Variants in CTCF observed in about 807,000 individuals in gnomAD.
CTCF encodes the protein CCCTC-binding factor.
Under a neutral mutation model 72.3 loss-of-function variants are expected in CTCF, and 7 were observed. The observed-to-expected ratio is 0.10, with a 90% CI of 0.06 to 0.18. CTCF has a LOEUF of 0.18. Among genes scored for constraint, CTCF ranks in the 10% least tolerant of loss-of-function variants. CTCF has a pLI of 1.00. For missense variants in CTCF, 516 were observed against 949.1 expected (o/e 0.54, Z 6.00); for synonymous variants, 374 against 315.8 (o/e 1.18, Z -1.95).
At chr16:67,601,267 T>TTG (rs2051884962) in intron 2 of CTCF, among the ~76,000 whole-genome samples, 2 of 147,818 alleles carry the variant, frequency 1.4e-5, no homozygotes, top group African/African-American at 5.0e-5. Flanking sequence ...TTGTTTTGTT[T>TTG]TTTAAGACAG....
chr16:67,605,212 A>C (rs1381632238), intron 2 of CTCF, among the ~76,000 whole-genome samples: 1 of 151,986 alleles, frequency 6.6e-6, no homozygotes, highest in Non-Finnish European at 1.5e-5. Flanking sequence ...TGACCTCATG[A>C]TCCACCCGCC....
At chr16:67,610,337 G>T (rs952188495) in intron 2 of CTCF, among the ~76,000 whole-genome samples, 4 of 146,916 alleles carry the variant, frequency 2.7e-5, no homozygotes, top group Non-Finnish European at 4.5e-5. Flanking sequence ...ATAGGTAGTG[G>T]TTTTTTCTTT....
intron 2 of CTCF, among the ~76,000 whole-genome samples, chr16:67,584,337 C>CTTTTTTTTTTTTTTT (rs904086024): frequency 9.4e-6 from 1 of 105,860 alleles, no homozygotes; most frequent in African/African-American, 4.3e-5. Context: ...AAAAAGTCTT[C>CTTTTTTTTTTTTTTT]TTTTTTTTTT....
intron 7 of CTCF, among the ~76,000 whole-genome samples, chr16:67,624,520 C>T (rs1309891875): frequency 6.6e-6 from 1 of 152,082 alleles, no homozygotes; most frequent in African/African-American, 2.4e-5. Context: ...TTTCTTCTTC[C>T]TCTTACTTCT....
chr16:67,576,616 C>T (rs1014017658), intron 2 of CTCF, among the ~76,000 whole-genome samples: 77 of 144,660 alleles, frequency 5.3e-4, no homozygotes, highest in African/African-American at 1.9e-3. Context: ...TGCAGTGGCA[C>T]GATCTCTGCT....
At chr16:67,587,100 ATTTTTTT>A (rs754060008) in intron 2 of CTCF, among the ~76,000 whole-genome samples, 23 of 98,728 alleles carry the variant, frequency 2.3e-4, no homozygotes, top group African/African-American at 5.9e-4. Flanking sequence ...CTTCTTAAAC[ATTTTTTT>A]TTTTTTTTTT....
At chr16:67,594,843 C>T (rs762339301) in intron 2 of CTCF, among the ~76,000 whole-genome samples, 2 of 152,198 alleles carry the variant, frequency 1.3e-5, no homozygotes, top group Middle Eastern at 6.8e-3. Context: ...AAAGCTAATA[C>T]TGGGGGAAAA....
intron 5 of CTCF, among the ~76,000 whole-genome samples, chr16:67,618,351 A>G (rs568887755): frequency 6.6e-6 from 1 of 152,290 alleles, no homozygotes; most frequent in East Asian, 1.9e-4. Flanking sequence ...GCATTGAGGC[A>G]AGATCGCACC....
intron 9 of CTCF, among the ~76,000 whole-genome samples, chr16:67,628,841 A>T (rs1466075518): frequency 6.6e-6 from 1 of 152,186 alleles, no homozygotes; most frequent in East Asian, 1.9e-4. Flanking sequence ...TGGGTGGATC[A>T]CGAGGTCAGG....
chr16:67,611,920 G>A (rs2142827734), intron 3 of CTCF, 31 bp from the exon 4 acceptor site: 3 of 1,596,398 alleles, frequency 1.9e-6, no homozygotes, highest in Non-Finnish European at 2.6e-6. Context: ...TTGAAACTCT[G>A]CAGCAAGTAA....
intron 2 of CTCF, among the ~76,000 whole-genome samples, chr16:67,575,274 G>A (rs1314705759): frequency 6.6e-6 from 1 of 152,030 alleles, no homozygotes; most frequent in Non-Finnish European, 1.5e-5. Flanking sequence ...AAGTAAGTAA[G>A]AATTAAGTTT....
chr16:67,584,189 G>T (rs970585856), intron 2 of CTCF, among the ~76,000 whole-genome samples: 1 of 151,940 alleles, frequency 6.6e-6, no homozygotes, highest in Non-Finnish European at 1.5e-5. Flanking sequence ...GGGCATGGTG[G>T]TGGGCACCTG....
intron 7 of CTCF, among the ~76,000 whole-genome samples, chr16:67,623,000 C>T (rs1431815408): frequency 6.6e-6 from 1 of 150,670 alleles, no homozygotes; most frequent in Non-Finnish European, 1.5e-5. Context: ...TTGCACTTGT[C>T]ACCCAGGCCA....
chr16:67,633,814 A>ACACACACT (rs1555536501), intron 10 of CTCF, among the ~76,000 whole-genome samples: 1 of 147,976 alleles, frequency 6.8e-6, no homozygotes, highest in Admixed American at 6.7e-5. Flanking sequence ...ACACACACAC[A>ACACACACT]CTCTCACTCA....
intron 2 of CTCF, among the ~76,000 whole-genome samples, chr16:67,602,842 CA>C (rs75191313): frequency 0.021 from 1,175 of 55,310 alleles, 17 homozygotes; most frequent in African/African-American, 0.063. Context: ...ACTCCATCTC[CA>C]AAAAAAAAAA....
At chr16:67,625,178 T>C (rs1373975510) in intron 7 of CTCF, among the ~76,000 whole-genome samples, 1 of 151,908 alleles carries the variant, frequency 6.6e-6, no homozygotes, top group African/African-American at 2.4e-5. Context: ...TCCACCCACC[T>C]TTGCCTCCTA....
intron 2 of CTCF, among the ~76,000 whole-genome samples, chr16:67,593,366 C>G (rs930704364): frequency 2.1e-4 from 32 of 152,020 alleles, no homozygotes; most frequent in African/African-American, 7.7e-4. Flanking sequence ...CCCTCCTAAT[C>G]CCTAAGGCCT....
intron 10 of CTCF, among the ~76,000 whole-genome samples, chr16:67,632,933 G>T (rs2052384041): frequency 6.6e-6 from 1 of 152,194 alleles, no homozygotes. Flanking sequence ...AGGAAGGCAG[G>T]CAGTGTACAT....
intron 1 of CTCF, among the ~76,000 whole-genome samples, chr16:67,566,725 G>T (rs1205912160): frequency 1.3e-5 from 2 of 150,470 alleles, no homozygotes; most frequent in South Asian, 2.1e-4. Context: ...GACTACAGGC[G>T]CCTGCCACCA....
Sources: gnomAD v4.1 joint callset for allele counts (sites outside exome capture counted in the v4.1 genomes callset) on GRCh38, gnomAD v4.1.1 for gene constraint, MANE v1.5 for transcripts, NCBI Gene and HGNC (gene_info 2026-07-23, HGNC 2026-07-21) for gene names.